Variants in CACNB4 observed in about 807,000 individuals in gnomAD.
CACNB4 encodes the protein calcium voltage-gated channel auxiliary subunit beta 4.
CACNB4 carries 32 observed loss-of-function variants against 71.2 expected under a neutral mutation model. That is an observed-to-expected ratio of 0.45 (90% CI 0.34 to 0.60). The LOEUF is 0.60. Among genes scored for constraint, CACNB4 ranks in the 20% least tolerant of loss-of-function variants. The pLI, the probability that CACNB4 is intolerant of heterozygous loss-of-function variation, is 0.01. For synonymous variants in CACNB4, 231 were observed against 236.9 expected (o/e 0.97, Z 0.23); for missense variants, 464 against 647.9 (o/e 0.72, Z 3.08).
At chr2:151,919,990 A>G (rs2099858507) in intron 2 of CACNB4, among the ~76,000 whole-genome samples, 1 of 152,188 alleles carries the variant, frequency 6.6e-6, no homozygotes, top group African/African-American at 2.4e-5. Context: ...CCAACTATAA[A>G]GCCATTTGGC....
At chr2:151,988,237 C>G (rs894947488) in intron 2 of CACNB4, among the ~76,000 whole-genome samples, 1 of 152,180 alleles carries the variant, frequency 6.6e-6, no homozygotes, top group Admixed American at 6.5e-5. Context: ...GTCTCCCTAC[C>G]CAAGGACGTG....
intron 2 of CACNB4, among the ~76,000 whole-genome samples, chr2:151,955,645 C>A (rs1346603511): frequency 1.3e-5 from 2 of 152,116 alleles, no homozygotes; most frequent in African/African-American, 4.8e-5. Context: ...GTAATCCCAG[C>A]ACTTTGGGAG....
In CACNB4 at chr2:151,838,882, G is replaced by T; in HGVS notation, c.*237C>A. The T allele has an allele frequency of 2.6e-6, 1 of 384,878 alleles. No homozygotes were observed. The allele number at this position is 384,878 out of a possible 1,614,324, so 23.8% of individuals were successfully genotyped here. ...TCTAAATCTATGAAGAAAACAAAAT[G>T]TACTGTTATCATGTAAATGTTGCAC... On this transcript the variant is annotated 3_prime_UTR_variant, in exon 14 of 14. Transcript: ENST00000539935.
chr2:151,939,024 G>A (rs2099863608), intron 2 of CACNB4, among the ~76,000 whole-genome samples: 2 of 151,962 alleles, frequency 1.3e-5, no homozygotes, highest in Admixed American at 1.3e-4. Flanking sequence ...ACTCCTATGA[G>A]AATCAAAAAA....
intron 2 of CACNB4, among the ~76,000 whole-genome samples, chr2:151,916,813 A>G (rs1382978114): frequency 6.6e-6 from 1 of 152,258 alleles, no homozygotes. Context: ...CAATGTCCAG[A>G]GACATTTTTC....
intron 2 of CACNB4, among the ~76,000 whole-genome samples, chr2:151,946,254 G>A (rs923643524): frequency 3.9e-5 from 6 of 151,932 alleles, no homozygotes; most frequent in East Asian, 1.9e-4. Context: ...ACTTGAACCC[G>A]GGAGGTGGAG....
At chr2:151,943,210 C>T (rs540866451) in intron 2 of CACNB4, among the ~76,000 whole-genome samples, 31 of 152,304 alleles carry the variant, frequency 2.0e-4, no homozygotes, top group African/African-American at 7.5e-4. Flanking sequence ...TCTTTGTACT[C>T]TTTCTCTTTA....
intron 2 of CACNB4, among the ~76,000 whole-genome samples, chr2:151,923,547 TG>T (rs1305838252): frequency 6.6e-6 from 1 of 152,232 alleles, no homozygotes; most frequent in Non-Finnish European, 1.5e-5. Context: ...GGAGGAAGCC[TG>T]GGTGGAGGCC....
chr2:151,936,838 T>C (rs2099863046), intron 2 of CACNB4, among the ~76,000 whole-genome samples: 1 of 152,248 alleles, frequency 6.6e-6, no homozygotes, highest in South Asian at 2.1e-4. Flanking sequence ...TATGATTCTG[T>C]CTAACATGAA....
chr2:152,019,434 G>C (rs1683534642), intron 2 of CACNB4, among the ~76,000 whole-genome samples: 1 of 152,124 alleles, frequency 6.6e-6, no homozygotes. Context: ...CTCAGATTTT[G>C]AGCTCCCTAT....
At chr2:152,056,125 G>A (rs1579213016) in intron 2 of CACNB4, among the ~76,000 whole-genome samples, 1 of 152,160 alleles carries the variant, frequency 6.6e-6, no homozygotes, top group African/African-American at 2.4e-5. Context: ...CACTTTAGGA[G>A]GCCAAGGCAG....
chr2:151,952,936 A>C (rs1343268210), intron 2 of CACNB4, among the ~76,000 whole-genome samples: 1 of 152,224 alleles, frequency 6.6e-6, no homozygotes, highest in African/African-American at 2.4e-5. Context: ...CACGGTCTTC[A>C]AGCGTTCAGA....
Position 151,839,218 on chromosome 2 carries a change from C to T in CACNB4, c.1464G>A (p.Val488=). 1 of 1,613,678 alleles carries T rather than the reference C, an allele frequency of 6.2e-7. No individual in the cohort carries two copies. The highest frequency in any genetic ancestry group is 8.5e-7 in the Non-Finnish European group (1 of 1,179,716). ...GGTATGAGTCAGGGTAATCTTCTTC[C>T]ACAAGAGGGTAATGATCTCGGCTAT... ...SQHSRDHYPL[V]EEDYPDSYQD... The change falls in exon 14 of 14, where the codon GTG becomes GTA. Residue 488 remains valine (V), a synonymous_variant. Coordinates refer to ENST00000539935, the MANE Select transcript of CACNB4 (RefSeq NM_000726.5).
rs1414440700 is a variant in CACNB4 at position 151,837,938 on chromosome 2, T to G, written c.*1181A>C. 1 of 152,226 alleles carries G rather than the reference T, an allele frequency of 6.6e-6. No homozygotes were observed. Among genetic ancestry groups the G allele is most frequent in the Non-Finnish European group, 1.5e-5 (1 of 68,026 alleles). The allele number at this position is 152,226 out of a possible 1,614,324, so 9.4% of individuals were successfully genotyped here. A position where few individuals can be genotyped will look rare whatever the true frequency, so the allele number is the denominator to read the frequency against. On this transcript the variant is annotated 3_prime_UTR_variant, in exon 14 of 14. Coordinates refer to ENST00000539935, the MANE Select transcript of CACNB4 (RefSeq NM_000726.5). ...TTCAACTTTTTTCAATTAGTCATTT[T>G]GTAAAAACATCTCCTGAATATCAAA... is the stretch of plus-strand genomic sequence containing the variant.
At chr2:151,997,305 C>T (rs1162027226) in intron 2 of CACNB4, among the ~76,000 whole-genome samples, 1 of 152,190 alleles carries the variant, frequency 6.6e-6, no homozygotes, top group African/African-American at 2.4e-5. Flanking sequence ...GAGGCTGAGG[C>T]AGGCGGATCA....
At chr2:151,909,081 TATATAA>T (rs1372267505) in intron 2 of CACNB4, among the ~76,000 whole-genome samples, 9 of 147,850 alleles carry the variant, frequency 6.1e-5, no homozygotes, top group Non-Finnish European at 1.0e-4. Context: ...ATCCTATCTA[TATATAA>T]ATATATTTAT....
intron 2 of CACNB4, among the ~76,000 whole-genome samples, chr2:151,995,692 A>G (rs954865552): frequency 1.3e-5 from 2 of 152,204 alleles, no homozygotes; most frequent in African/African-American, 2.4e-5. Flanking sequence ...CTGGGTGACA[A>G]AGCGAGACTC....
intron 2 of CACNB4, among the ~76,000 whole-genome samples, chr2:152,048,248 A>G (rs933657929): frequency 1.1e-4 from 16 of 152,220 alleles, no homozygotes; most frequent in African/African-American, 3.6e-4. Flanking sequence ...GACATTACCA[A>G]AAGTTCCCTG....
intron 2 of CACNB4, among the ~76,000 whole-genome samples, chr2:152,020,796 T>G (rs1032764086): frequency 6.6e-6 from 1 of 152,182 alleles, no homozygotes; most frequent in African/African-American, 2.4e-5. Flanking sequence ...AGGCATTCCC[T>G]TGTCTGAAAC....
Sources: allele counts gnomAD v4.1 joint callset (sites outside exome capture counted in the v4.1 genomes callset), GRCh38; gene constraint gnomAD v4.1.1; transcripts MANE v1.5; gene names NCBI Gene and HGNC (gene_info 2026-07-23, HGNC 2026-07-21).